Variants in NF1 observed in about 807,000 individuals in gnomAD.
The protein encoded by NF1 is neurofibromin 1, also known as neurofibromin.
A neutral mutation model predicts 325.7 loss-of-function variants in NF1; 122 were observed. The observed-to-expected ratio is 0.37, with a 90% confidence interval of 0.32 to 0.44. NF1 has a LOEUF of 0.44. Among genes scored for constraint, NF1 ranks in the 20% least tolerant of loss-of-function variants. The pLI is 1.00. For missense variants in NF1, 2,140 were observed against 3,415.4 expected (o/e 0.63, Z 9.31); for synonymous variants, 1,091 against 1,186.0 (o/e 0.92, Z 1.65).
intron 36 of NF1, among the ~76,000 whole-genome samples, chr17:31,266,855 G>C (rs2151471870): frequency 6.6e-6 from 1 of 151,416 alleles, no homozygotes; most frequent in Middle Eastern, 3.4e-3. Flanking sequence ...CAATCAGTTT[G>C]GTTTCCATGA....
At chr17:31,307,804 CTA>C in intron 36 of NF1, 3 of 971,222 alleles carry the variant, frequency 3.1e-6, no homozygotes, top group Non-Finnish European at 4.3e-6. Context: ...TGATTAGAAA[CTA>C]TAGTTCTTCT....
chr17:31,241,281 G>A (rs1381460216), intron 29 of NF1, among the ~76,000 whole-genome samples: 2 of 152,068 alleles, frequency 1.3e-5, no homozygotes, highest in African/African-American at 2.4e-5. Flanking sequence ...GGTTATTTTT[G>A]TTTGTTTTTA....
chr17:31,359,242 A>G, intron 56 of NF1: 1 of 522,458 alleles, frequency 1.9e-6, no homozygotes, highest in Non-Finnish European at 3.4e-6. Context: ...ACTTATGATC[A>G]ATTTTTCAGA....
chr17:31,095,506 A>T, intron 1 of NF1, 137 bp downstream of exon 1: 1 of 458,882 alleles, frequency 2.2e-6, no homozygotes, highest in East Asian at 6.7e-5. Flanking sequence ...AAGAGAAGGG[A>T]AGGGGGGATA....
intron 57 of NF1, among the ~76,000 whole-genome samples, chr17:31,365,475 C>T (rs1158097596): frequency 6.6e-6 from 1 of 152,094 alleles, no homozygotes; most frequent in Non-Finnish European, 1.5e-5. Flanking sequence ...TCCTTGATCA[C>T]CAGAGACTTG....
At chr17:31,281,830 G>A (rs2068124278) in intron 36 of NF1, among the ~76,000 whole-genome samples, 2 of 152,068 alleles carry the variant, frequency 1.3e-5, no homozygotes, top group African/African-American at 4.8e-5. Flanking sequence ...CTGAGGTTGG[G>A]AGAGTCACTT....
Position 31,143,784 on chromosome 17 carries a change from G to A in NF1, c.61-12199G>A, listed in dbSNP as rs111713157. Among the ~76,000 whole-genome samples the A allele has an allele frequency of 3.2e-3, 491 of 151,950 alleles. 2 individuals carry two copies. The highest frequency in any genetic ancestry group is 0.011 in the African/African-American group (468 of 41,448). ...AGCTTAACAGTATATTTCAGTACTT[G>A]GTCATGTCTCTTGTTCTTGTTTTTC... On this transcript the variant is annotated intron_variant, in intron 1 of 57. Coordinates refer to ENST00000358273, the MANE Select transcript of NF1 (RefSeq NM_001042492.3).
At chr17:31,312,595 T>C (rs2068907015) in intron 36 of NF1, among the ~76,000 whole-genome samples, 1 of 151,900 alleles carries the variant, frequency 6.6e-6, no homozygotes, top group South Asian at 2.1e-4. Flanking sequence ...TTTAATTTTA[T>C]GAAATATGAC....
At chr17:31,234,002 C>T (rs1321767842) in intron 27 of NF1, among the ~76,000 whole-genome samples, 1 of 152,210 alleles carries the variant, frequency 6.6e-6, no homozygotes, top group Non-Finnish European at 1.5e-5. Context: ...CAGAGCCACA[C>T]CAGCTACCTT....
At chr17:31,232,314 T>G in intron 25 of NF1, 125 bp downstream of exon 25, 1 of 699,920 alleles carries the variant, frequency 1.4e-6, no homozygotes, top group Non-Finnish European at 2.5e-6. Context: ...TTTGTGATTT[T>G]TTTAAAGAAA....
At chr17:31,113,553 A>G (rs973011403) in intron 1 of NF1, among the ~76,000 whole-genome samples, 4 of 152,164 alleles carry the variant, frequency 2.6e-5, no homozygotes, top group Non-Finnish European at 5.9e-5. Flanking sequence ...GTTTTGAGAC[A>G]GGGTCTTGCT....
chr17:31,278,086 C>G (rs1432514478), intron 36 of NF1: 2 of 152,136 alleles, frequency 1.3e-5, no homozygotes, highest in Non-Finnish European at 1.5e-5. Context: ...TATGGATACC[C>G]TAACCTGAGC....
intron 1 of NF1, among the ~76,000 whole-genome samples, chr17:31,121,589 A>G (rs1329061815): frequency 6.6e-6 from 1 of 151,890 alleles, no homozygotes; most frequent in Non-Finnish European, 1.5e-5. Context: ...TTATTTTGAG[A>G]TGCTCTCCAT....
At chr17:31,103,695 T>G (rs1264164965) in intron 1 of NF1, among the ~76,000 whole-genome samples, 1 of 151,992 alleles carries the variant, frequency 6.6e-6, no homozygotes, top group Non-Finnish European at 1.5e-5. Context: ...TTTGGCTGGG[T>G]GCGGTGGCTC....
intron 1 of NF1, among the ~76,000 whole-genome samples, chr17:31,106,480 A>G (rs1912875426): frequency 6.6e-6 from 1 of 152,234 alleles, no homozygotes; most frequent in Admixed American, 6.5e-5. Flanking sequence ...GTTAAACTAG[A>G]GTATGGATGT....
chr17:31,285,590 G>A (rs1005926302), intron 36 of NF1, among the ~76,000 whole-genome samples: 2 of 152,132 alleles, frequency 1.3e-5, no homozygotes, highest in African/African-American at 2.4e-5. Flanking sequence ...GCTCACACTT[G>A]TAGTCCCAGC....
At chr17:31,286,632 ATTAT>A (rs17884510) in intron 36 of NF1, among the ~76,000 whole-genome samples, 6 of 152,190 alleles carry the variant, frequency 3.9e-5, no homozygotes, top group Non-Finnish European at 8.8e-5. Context: ...GCTTTCTTAG[ATTAT>A]TTGTCATTGG....
chr17:31,305,920 T>G (rs1302120587), intron 36 of NF1, among the ~76,000 whole-genome samples: 1 of 152,202 alleles, frequency 6.6e-6, no homozygotes, highest in Admixed American at 6.5e-5. Flanking sequence ...CCCCTCTAGC[T>G]TCATTATATT....
chr17:31,116,253 A>G (rs1309351127), intron 1 of NF1, among the ~76,000 whole-genome samples: 1 of 152,166 alleles, frequency 6.6e-6, no homozygotes, highest in African/African-American at 2.4e-5. Flanking sequence ...AATTTAGGTA[A>G]AACTATTTAA....
Sources: allele counts gnomAD v4.1 joint callset (sites outside exome capture counted in the v4.1 genomes callset), GRCh38; gene constraint gnomAD v4.1.1; transcripts MANE v1.5; gene names NCBI Gene and HGNC (gene_info 2026-07-23, HGNC 2026-07-21).